The following FCHSD2 variants were observed in gnomAD, a reference collection of about 807,000 sequenced individuals.
FCHSD2 encodes the protein F-BAR and double SH3 domains protein 2.
A neutral mutation model predicts 108.1 loss-of-function variants in FCHSD2; 38 were observed. That is an observed-to-expected ratio of 0.35 (90% CI 0.27 to 0.46). FCHSD2 has a LOEUF of 0.46. FCHSD2 is among the 20% of genes least tolerant of loss of function. The pLI, the probability that FCHSD2 is intolerant of heterozygous loss-of-function variation, is 1.00. For synonymous variants in FCHSD2, 279 were observed against 314.7 expected, an observed-to-expected ratio of 0.89 and a Z score of 1.20; for missense variants, 751 against 897.8, an observed-to-expected ratio of 0.84 and a Z score of 2.09.
At chr11:72,956,161 A>C (rs568782674) in intron 8 of FCHSD2, among the ~76,000 whole-genome samples, 127 of 152,340 alleles carry the variant, frequency 8.3e-4, no homozygotes, top group Non-Finnish European at 1.5e-3. Flanking sequence ...AAGAGTAACA[A>C]ATTTCAATCC....
At position 72,837,815 on chromosome 11, in the gene FCHSD2, C is replaced by T. The variant is rs1860779195; in HGVS notation, c.*976G>A. 6.6e-6 allele frequency: 1 copy of T among 152,220 alleles called. No individual in the cohort carries two copies. Among genetic ancestry groups the T allele is most frequent in the African/African-American group, 2.4e-5 (1 of 41,454 alleles). The allele number at this position is 152,220 out of a possible 1,614,324, so 9.4% of individuals were successfully genotyped here. ...TTCCACCATAGCAGTTGGTCTGGAC[C>T]AGCCACAGCCTGGCTGTCTGGGCCG... On this transcript the variant is annotated 3_prime_UTR_variant, in exon 20 of 20. Coordinates refer to ENST00000409418, the MANE Select transcript of FCHSD2 (RefSeq NM_014824.3).
At chr11:72,892,794 C>T (rs1453584787) in intron 10 of FCHSD2, among the ~76,000 whole-genome samples, 5 of 151,618 alleles carry the variant, frequency 3.3e-5, no homozygotes, top group Admixed American at 6.6e-5. Context: ...TTAGTAGAGA[C>T]GGGGTTTCAC....
chr11:73,132,897 C>A (rs1861036963), intron 2 of FCHSD2, among the ~76,000 whole-genome samples: 1 of 149,438 alleles, frequency 6.7e-6, no homozygotes, highest in Admixed American at 6.7e-5. Context: ...ATTTGCAAAT[C>A]ATATATGTTA....
intron 8 of FCHSD2, among the ~76,000 whole-genome samples, chr11:72,977,589 C>A (rs1207856629): frequency 6.6e-6 from 1 of 152,238 alleles, no homozygotes; most frequent in Non-Finnish European, 1.5e-5. Context: ...CCATCTCACA[C>A]CAGTTAGAAT....
intron 8 of FCHSD2, among the ~76,000 whole-genome samples, chr11:72,952,487 G>A (rs756492102): frequency 8.5e-5 from 13 of 152,100 alleles, no homozygotes; most frequent in Middle Eastern, 3.4e-3. Flanking sequence ...ACCACGCCCA[G>A]CTAATTTTTA....
At chr11:72,879,292 T>C (rs1855031738) in intron 12 of FCHSD2, among the ~76,000 whole-genome samples, 3 of 152,148 alleles carry the variant, frequency 2.0e-5, no homozygotes, top group Admixed American at 2.0e-4. Context: ...TGCAAGTAAC[T>C]GACCTGGCAG....
chr11:73,128,575 G>C (rs1486121549), intron 2 of FCHSD2, among the ~76,000 whole-genome samples: 1 of 152,182 alleles, frequency 6.6e-6, no homozygotes, highest in Admixed American at 6.5e-5. Context: ...GAAGGAAACA[G>C]AGATGGGGGA....
At chr11:72,903,643 G>A (rs1235159279) in intron 9 of FCHSD2, among the ~76,000 whole-genome samples, 6 of 150,794 alleles carry the variant, frequency 4.0e-5, no homozygotes, top group Admixed American at 4.0e-4. Flanking sequence ...GCATCTGATG[G>A]GGCAAAAAAC....
intron 10 of FCHSD2, among the ~76,000 whole-genome samples, chr11:72,892,804 C>A (rs570361654): frequency 2.0e-5 from 3 of 151,984 alleles, no homozygotes; most frequent in Admixed American, 2.0e-4. Context: ...CGGGGTTTCA[C>A]CATGTTGGCC....
intron 9 of FCHSD2, among the ~76,000 whole-genome samples, chr11:72,906,827 C>T (rs193269410): frequency 1.3e-5 from 2 of 152,230 alleles, no homozygotes; most frequent in East Asian, 3.9e-4. Context: ...GTTACTGTAG[C>T]CTTGTAGTAT....
At chr11:73,089,270 TAAAAC>T (rs1193961675) in intron 2 of FCHSD2, among the ~76,000 whole-genome samples, 1 of 151,962 alleles carries the variant, frequency 6.6e-6, no homozygotes, top group Non-Finnish European at 1.5e-5. Context: ...GATGCTATAA[TAAAAC>T]AGACAGTAAC....
Position 72,841,355 on chromosome 11 carries a change from A to AC in FCHSD2, c.2056+98_2056+99insG, listed in dbSNP as rs1282201307. 5.2e-6 allele frequency: 6 copies of AC among 1,150,318 alleles called. No homozygotes were observed. The African/African-American group carries it at 8.1e-5, about 15-fold the overall frequency. The allele number at this position is 1,150,318 out of a possible 1,614,324, so 71.3% of individuals were successfully genotyped here. A position where few individuals can be genotyped will look rare whatever the true frequency, so the allele number is the denominator to read the frequency against. On this transcript the variant is annotated intron_variant, in intron 18 of 19. Coordinates refer to ENST00000409418, the MANE Select transcript of FCHSD2 (RefSeq NM_014824.3). The stretch of plus-strand genomic sequence containing the variant: ...ACTCTGTCTCCAAAAAAAAAAAAAA[A>AC]AAAAAAAAAGCAAATGCAGTTTTTT...
intron 14 of FCHSD2, among the ~76,000 whole-genome samples, chr11:72,849,186 G>C (rs761885848): frequency 2.6e-5 from 4 of 152,068 alleles, no homozygotes; most frequent in South Asian, 2.1e-4. Flanking sequence ...ACCAGAACAG[G>C]GGCAAGAGAA....
intron 8 of FCHSD2, among the ~76,000 whole-genome samples, chr11:72,982,041 T>C (rs916938012): frequency 6.6e-6 from 1 of 152,228 alleles, no homozygotes; most frequent in African/African-American, 2.4e-5. Flanking sequence ...GGAAAATATA[T>C]GCAGAGTTTT....
At chr11:73,140,241 C>A in intron 1 of FCHSD2, 113 bp from the exon 2 acceptor site, 1 of 539,772 alleles carries the variant, frequency 1.9e-6, no homozygotes, top group South Asian at 2.7e-5. Context: ...CCCCTGAAGG[C>A]CATAAATCCA....
Position 73,141,960 on chromosome 11 carries a change from G to A in FCHSD2, c.-83C>T. ...GAGGAGGGCCGGAGAGGAGGGGACG[G>A]CCCAGCGAGCGCGCGCGTGTGTGAA... On this transcript the variant is annotated 5_prime_UTR_variant, in exon 1 of 20. Coordinates refer to ENST00000409418, the MANE Select transcript of FCHSD2 (RefSeq NM_014824.3). The A allele has an allele frequency of 2.2e-6, 3 of 1,379,802 alleles. No homozygotes were observed. The South Asian group carries it at 3.8e-5, about 17-fold the overall frequency. 85.5% of individuals were successfully genotyped at this position (1,379,802 alleles called of 1,614,324 possible).
At chr11:73,047,156 T>C (rs1460675398) in intron 3 of FCHSD2, among the ~76,000 whole-genome samples, 1 of 151,880 alleles carries the variant, frequency 6.6e-6, no homozygotes, top group Non-Finnish European at 1.5e-5. Context: ...AAAAGATTTA[T>C]ACCAAACATG....
intron 4 of FCHSD2, among the ~76,000 whole-genome samples, chr11:73,002,357 A>G (rs1055241932): frequency 2.0e-5 from 3 of 152,164 alleles, no homozygotes; most frequent in Non-Finnish European, 4.4e-5. Context: ...GAAAGATTCA[A>G]TGTGTTGCAC....
chr11:72,868,966 G>A (rs1429601161), intron 12 of FCHSD2, among the ~76,000 whole-genome samples: 1 of 151,834 alleles, frequency 6.6e-6, no homozygotes, highest in Non-Finnish European at 1.5e-5. Flanking sequence ...GAGTGCAGTG[G>A]TATGATCTTG....
Sources: gnomAD v4.1 joint callset for allele counts (sites outside exome capture counted in the v4.1 genomes callset) on GRCh38, gnomAD v4.1.1 for gene constraint, MANE v1.5 for transcripts, NCBI Gene and HGNC (gene_info 2026-07-23, HGNC 2026-07-21) for gene names.